DSCAM: variants seen among roughly 807,000 people sequenced by gnomAD.
DSCAM encodes cell adhesion molecule DSCAM.
In DSCAM, 47 loss-of-function variants were observed where a neutral mutation model predicts 217.7. The ratio of observed to expected loss-of-function variants is 0.22; its 90% CI spans 0.17 to 0.28. DSCAM has a LOEUF of 0.28. Ranked by LOEUF, DSCAM falls within the 10% of genes least tolerant of loss-of-function variation. The pLI, the probability that DSCAM is intolerant of heterozygous loss-of-function variation, is 1.00. For missense variants in DSCAM, 2,080 were observed against 2,618.3 expected (o/e 0.79, Z 4.49); for synonymous variants, 1,056 against 1,015.3 (o/e 1.04, Z -0.76).
intron 11 of DSCAM, among the ~76,000 whole-genome samples, chr21:40,207,740 A>G (rs1418245180): frequency 6.6e-6 from 1 of 152,188 alleles, no homozygotes; most frequent in African/African-American, 2.4e-5. Context: ...ATTGGCCTCA[A>G]TAATAGGACT....
At chr21:40,112,700 A>C (rs372346480) in intron 20 of DSCAM, among the ~76,000 whole-genome samples, 1 of 152,162 alleles carries the variant, frequency 6.6e-6, no homozygotes, top group African/African-American at 2.4e-5. Context: ...AGAGAGAAGA[A>C]TCAAATACAC....
intron 3 of DSCAM, among the ~76,000 whole-genome samples, chr21:40,669,944 T>C (rs548882978): frequency 0.021 from 1,946 of 91,388 alleles, 22 homozygotes; most frequent in Non-Finnish European, 0.034. Flanking sequence ...CATATGGCTA[T>C]AATAAAAAAA....
chr21:40,161,735 T>C (rs2090543594), intron 16 of DSCAM, among the ~76,000 whole-genome samples: 1 of 152,230 alleles, frequency 6.6e-6, no homozygotes, highest in African/African-American at 2.4e-5. Flanking sequence ...ATGTTGGTGT[T>C]CAGGAATTTC....
At chr21:40,829,584 A>C (rs1047492168) in intron 1 of DSCAM, among the ~76,000 whole-genome samples, 6 of 152,214 alleles carry the variant, frequency 3.9e-5, no homozygotes, top group Non-Finnish European at 7.3e-5. Flanking sequence ...ACCTGGTGAA[A>C]CAGGTCAGAG....
intron 28 of DSCAM, 30 bp downstream of exon 28, chr21:40,062,839 G>T: frequency 6.4e-7 from 1 of 1,552,490 alleles, no homozygotes; most frequent in Non-Finnish European, 8.7e-7. Context: ...TTTCAAACAT[G>T]ATATCTGGGG....
At chr21:40,279,296 C>G (rs2073728672) in intron 10 of DSCAM, among the ~76,000 whole-genome samples, 1 of 152,158 alleles carries the variant, frequency 6.6e-6, no homozygotes, top group Non-Finnish European at 1.5e-5. Context: ...CAGAATTACA[C>G]CAGCAACTTG....
chr21:40,141,521 C>A (rs2090289730), intron 18 of DSCAM, among the ~76,000 whole-genome samples: 2 of 152,166 alleles, frequency 1.3e-5, no homozygotes, highest in South Asian at 4.1e-4. Flanking sequence ...GAGGCTGAGG[C>A]AGGAGAATTG....
intron 20 of DSCAM, among the ~76,000 whole-genome samples, chr21:40,118,205 C>T (rs1477435492): frequency 6.6e-6 from 1 of 152,118 alleles, no homozygotes; most frequent in African/African-American, 2.4e-5. Flanking sequence ...GGAATTGTGA[C>T]AGGGATGTGG....
At chr21:40,565,018 C>T (rs1287624943) in intron 3 of DSCAM, among the ~76,000 whole-genome samples, 4 of 152,110 alleles carry the variant, frequency 2.6e-5, no homozygotes, top group South Asian at 2.1e-4. Flanking sequence ...TGACCCAACA[C>T]GGTGCCATTT....
intron 11 of DSCAM, among the ~76,000 whole-genome samples, chr21:40,228,489 TG>T (rs1374723923): frequency 6.6e-6 from 1 of 152,216 alleles, no homozygotes. Flanking sequence ...TTTTAAACTT[TG>T]GGTTATAATC....
At chr21:40,219,047 T>G (rs1310539404) in intron 11 of DSCAM, among the ~76,000 whole-genome samples, 2 of 152,214 alleles carry the variant, frequency 1.3e-5, no homozygotes, top group East Asian at 3.9e-4. Context: ...CATCCTCGTC[T>G]TGTGCCGGTT....
intron 1 of DSCAM, among the ~76,000 whole-genome samples, chr21:40,742,477 C>T (rs1378047067): frequency 6.6e-6 from 1 of 152,212 alleles, no homozygotes; most frequent in Admixed American, 6.5e-5. Context: ...GGACATGGTC[C>T]TACTGACACA....
At chr21:40,328,962 G>A (rs1341812193) in intron 8 of DSCAM, among the ~76,000 whole-genome samples, 2 of 151,838 alleles carry the variant, frequency 1.3e-5, no homozygotes, top group Non-Finnish European at 2.9e-5. Flanking sequence ...CCAAAATGAG[G>A]TTATCATCTC....
intron 3 of DSCAM, among the ~76,000 whole-genome samples, chr21:40,578,619 A>G (rs961331959): frequency 2.1e-4 from 32 of 152,196 alleles, no homozygotes; most frequent in Admixed American, 1.0e-3. Context: ...GCACTGTGGT[A>G]CCTTTGTTCT....
chr21:40,213,821 T>C (rs2837508), intron 11 of DSCAM, among the ~76,000 whole-genome samples: 74,713 of 151,974 alleles, frequency 0.49, 18,943 homozygotes, highest in Middle Eastern at 0.58. Flanking sequence ...TACGATATTC[T>C]AGTGCAGGGA....
At chr21:40,074,699 T>G (rs2146544649) in intron 27 of DSCAM, among the ~76,000 whole-genome samples, 1 of 152,326 alleles carries the variant, frequency 6.6e-6, no homozygotes, top group African/African-American at 2.4e-5. Flanking sequence ...CTGATAGATC[T>G]TTTCATAGAA....
At chr21:40,029,121 A>G (rs986629803) in intron 32 of DSCAM, among the ~76,000 whole-genome samples, 2 of 152,142 alleles carry the variant, frequency 1.3e-5, no homozygotes, top group Non-Finnish European at 2.9e-5. Context: ...AAGTTTAACA[A>G]TTTTTTTTCC....
intron 11 of DSCAM, among the ~76,000 whole-genome samples, chr21:40,191,155 T>C (rs1209417783): frequency 6.6e-6 from 1 of 152,186 alleles, no homozygotes; most frequent in Non-Finnish European, 1.5e-5. Flanking sequence ...TACTGGGTCA[T>C]GTCTTTTCCC....
intron 9 of DSCAM, among the ~76,000 whole-genome samples, chr21:40,303,610 T>C (rs2074039848): frequency 6.6e-6 from 1 of 152,166 alleles, no homozygotes; most frequent in South Asian, 2.1e-4. Flanking sequence ...GTCTTTATTT[T>C]AATCACCATG....
Sources: gnomAD v4.1 joint callset for allele counts (sites outside exome capture counted in the v4.1 genomes callset) on GRCh38, gnomAD v4.1.1 for gene constraint, MANE v1.5 for transcripts, NCBI Gene and HGNC (gene_info 2026-07-23, HGNC 2026-07-21) for gene names.